GPC6: variants seen among roughly 807,000 people sequenced by gnomAD.
GPC6 encodes the protein glypican 6.
A neutral mutation model predicts 55.2 loss-of-function variants in GPC6; 14 were observed. The ratio of observed to expected loss-of-function variants is 0.25; its 90% CI spans 0.17 to 0.40. The LOEUF is 0.40. Ranked by LOEUF, GPC6 falls within the 10% of genes least tolerant of loss-of-function variation. The pLI is 1.00. For missense variants in GPC6, 641 were observed against 708.5 expected (o/e 0.90, Z 1.08); for synonymous variants, 278 against 259.6 (o/e 1.07, Z -0.68).
At chr13:93,285,602 G>T (rs1374471980) in intron 1 of GPC6, among the ~76,000 whole-genome samples, 1 of 141,530 alleles carries the variant, frequency 7.1e-6, no homozygotes, top group East Asian at 2.2e-4. Flanking sequence ...GGATGTATGT[G>T]TATGTATATA....
chr13:93,317,895 A>G (rs115728451), intron 1 of GPC6, among the ~76,000 whole-genome samples: 1,883 of 152,312 alleles, frequency 0.012, 29 homozygotes, highest in African/African-American at 0.042. Flanking sequence ...TGGAAGAGAT[A>G]TTTTACAAAG....
chr13:94,349,832 G>A (rs1878452994), intron 6 of GPC6, among the ~76,000 whole-genome samples: 1 of 152,070 alleles, frequency 6.6e-6, no homozygotes, highest in African/African-American at 2.4e-5. Context: ...ACAGTCTCGG[G>A]TGATTCTTAA....
intron 1 of GPC6, among the ~76,000 whole-genome samples, chr13:93,525,701 TCAG>T (rs1881619202): frequency 6.6e-6 from 1 of 152,084 alleles, no homozygotes; most frequent in Admixed American, 6.6e-5. Flanking sequence ...GAGCTTGAGG[TCAG>T]TCAATGGATT....
chr13:93,354,700 C>CAT (rs34830623), intron 1 of GPC6, among the ~76,000 whole-genome samples: 62,195 of 151,470 alleles, frequency 0.41, 14,182 homozygotes, highest in East Asian at 0.91. Flanking sequence ...AAAATCCTAA[C>CAT]GTGTTATATG....
intron 3 of GPC6, among the ~76,000 whole-genome samples, chr13:93,916,025 A>C (rs12855484): frequency 0.49 from 74,570 of 151,594 alleles, 19,022 homozygotes; most frequent in Non-Finnish European, 0.55. Flanking sequence ...CCTCTCCAGG[A>C]AGTGTTTTCC....
intron 2 of GPC6, among the ~76,000 whole-genome samples, chr13:93,690,530 T>A (rs549008947): frequency 9.2e-5 from 14 of 152,052 alleles, no homozygotes; most frequent in African/African-American, 2.4e-4. Context: ...ATTTTTTTTT[T>A]AATGTTTGCC....
At chr13:94,213,478 T>C (rs968751799) in intron 4 of GPC6, among the ~76,000 whole-genome samples, 3 of 152,220 alleles carry the variant, frequency 2.0e-5, no homozygotes, top group Non-Finnish European at 4.4e-5. Context: ...TATTTGTTCA[T>C]AATTTTTGGG....
chr13:93,809,651 A>G (rs1468015610), intron 2 of GPC6, among the ~76,000 whole-genome samples: 2 of 152,102 alleles, frequency 1.3e-5, no homozygotes, highest in Admixed American at 6.5e-5. Flanking sequence ...GTTGGCCTCT[A>G]TTGCCAGTTA....
intron 2 of GPC6, among the ~76,000 whole-genome samples, chr13:93,737,531 T>C (rs867543383): frequency 6.6e-6 from 1 of 152,140 alleles, no homozygotes; most frequent in African/African-American, 2.4e-5. Context: ...TCGATTTATT[T>C]TTAGAAAATG....
chr13:93,630,325 G>T (rs2139570298), intron 2 of GPC6, among the ~76,000 whole-genome samples: 1 of 152,328 alleles, frequency 6.6e-6, no homozygotes, highest in African/African-American at 2.4e-5. Context: ...CTGCTCGCTA[G>T]TTCTAGCCTT....
At chr13:93,381,218 T>G (rs938811576) in intron 1 of GPC6, among the ~76,000 whole-genome samples, 1 of 152,032 alleles carries the variant, frequency 6.6e-6, no homozygotes, top group African/African-American at 2.4e-5. Flanking sequence ...GTACCTGAGG[T>G]TATGATTTAT....
intron 4 of GPC6, among the ~76,000 whole-genome samples, chr13:94,234,742 C>T (rs187458140): frequency 6.6e-6 from 1 of 152,068 alleles, no homozygotes; most frequent in Non-Finnish European, 1.5e-5. Flanking sequence ...AACAGGCTAT[C>T]AACCAGACGC....
chr13:94,345,262 C>G (rs1229850986), intron 6 of GPC6, among the ~76,000 whole-genome samples: 3 of 152,082 alleles, frequency 2.0e-5, no homozygotes, highest in African/African-American at 7.2e-5. Context: ...AACCTGACAC[C>G]AAGTTTTATA....
chr13:94,355,709 C>G (rs1878762485), intron 6 of GPC6, among the ~76,000 whole-genome samples: 1 of 152,174 alleles, frequency 6.6e-6, no homozygotes, highest in Non-Finnish European at 1.5e-5. Context: ...ACACATGCTT[C>G]CAGTCCCCCC....
intron 6 of GPC6, among the ~76,000 whole-genome samples, chr13:94,312,256 A>T (rs923740324): frequency 4.6e-5 from 7 of 152,228 alleles, no homozygotes; most frequent in Admixed American, 2.6e-4. Context: ...GTCACTGGTG[A>T]CAAACATGTT....
At chr13:93,451,425 G>A (rs61964183) in intron 1 of GPC6, among the ~76,000 whole-genome samples, 33,463 of 152,200 alleles carry the variant, frequency 0.22, 4,171 homozygotes, top group Middle Eastern at 0.32. Context: ...TGGCCCACAA[G>A]TTAATAATGG....
At chr13:93,952,889 TG>T (rs1185845511) in intron 3 of GPC6, among the ~76,000 whole-genome samples, 16 of 146,360 alleles carry the variant, frequency 1.1e-4, no homozygotes, top group South Asian at 2.1e-4. Context: ...TATATATGTG[TG>T]ATATATACGT....
intron 3 of GPC6, among the ~76,000 whole-genome samples, chr13:93,882,903 T>C (rs1316254061): frequency 6.6e-6 from 1 of 152,200 alleles, no homozygotes; most frequent in Non-Finnish European, 1.5e-5. Context: ...GTAATTTTTA[T>C]TTTCAGTCAT....
chr13:93,421,444 G>A (rs1193667699), intron 1 of GPC6, among the ~76,000 whole-genome samples: 1 of 152,110 alleles, frequency 6.6e-6, no homozygotes, highest in African/African-American at 2.4e-5. Flanking sequence ...ATAATTGTCA[G>A]GAATTGATTT....
Sources: gnomAD v4.1 joint callset for allele counts (sites outside exome capture counted in the v4.1 genomes callset) on GRCh38, gnomAD v4.1.1 for gene constraint, MANE v1.5 for transcripts, NCBI Gene and HGNC (gene_info 2026-07-23, HGNC 2026-07-21) for gene names.